The following RBBP4 variants were observed in gnomAD, a reference collection of about 807,000 sequenced individuals.
RBBP4 encodes the protein RB binding protein 4, chromatin remodeling factor, also known as histone-binding protein RBBP4.
Under a neutral mutation model 57.2 loss-of-function variants are expected in RBBP4, and 3 were observed. The ratio of observed to expected loss-of-function variants is 0.05; its 90% CI spans 0.02 to 0.14. RBBP4 has a LOEUF of 0.14. Ranked by LOEUF, RBBP4 falls within the 10% of genes least tolerant of loss-of-function variation. The pLI, the probability that RBBP4 is intolerant of heterozygous loss-of-function variation, is 1.00. For synonymous variants in RBBP4, 151 were observed against 171.5 expected, an observed-to-expected ratio of 0.88 and a Z score of 0.93; for missense variants, 107 against 520.6, an observed-to-expected ratio of 0.21 and a Z score of 7.73.
chr1:32,651,246 C>A lies in RBBP4; in HGVS notation c.-61C>A, dbSNP rs370825090. 3 of 1,507,426 alleles carry A rather than the reference C, an allele frequency of 2.0e-6. No homozygotes were observed. In the African/African-American group the frequency reaches 4.4e-5, roughly 22 times the overall value. 93.4% of individuals were successfully genotyped at this position (1,507,426 alleles called of 1,614,324 possible). On this transcript the variant is annotated 5_prime_UTR_variant, in exon 1 of 12. Coordinates refer to ENST00000373493, the MANE Select transcript of RBBP4 (RefSeq NM_005610.3). ...GCCGCGCGCACAGAGCGAGCTCTTG[C>A]AGCCTCCCCGCCCCTCCCGCAACGC...
At chr1:32,660,613 A>G (rs1263735224) in intron 3 of RBBP4, among the ~76,000 whole-genome samples, 5 of 147,080 alleles carry the variant, frequency 3.4e-5, no homozygotes, top group Non-Finnish European at 7.5e-5. Flanking sequence ...AAGAGATGGC[A>G]TGTCACTATG....
chr1:32,657,401 A>G (rs754725164), intron 2 of RBBP4, 26 bp from the exon 3 acceptor site: 2 of 1,602,422 alleles, frequency 1.2e-6, no homozygotes, highest in Non-Finnish European at 1.7e-6. Context: ...ACTAATTTGA[A>G]CAGTGACTAT....
At chr1:32,660,324 G>A (rs1648344864) in intron 3 of RBBP4, among the ~76,000 whole-genome samples, 1 of 152,144 alleles carries the variant, frequency 6.6e-6, no homozygotes, top group African/African-American at 2.4e-5. Flanking sequence ...TTAGCTGACT[G>A]CAGCCTCCTT....
At chr1:32,667,881 T>C (rs890804455) in intron 3 of RBBP4, among the ~76,000 whole-genome samples, 4 of 152,206 alleles carry the variant, frequency 2.6e-5, no homozygotes, top group Non-Finnish European at 5.9e-5. Context: ...GTAAATGTTA[T>C]ATAAATAGAC....
chr1:32,665,677 TTAAA>T (rs1648613916), intron 3 of RBBP4, among the ~76,000 whole-genome samples: 1 of 52,602 alleles, frequency 1.9e-5, no homozygotes, highest in South Asian at 1.1e-3. Flanking sequence ...GACCCTGTCT[TTAAA>T]AAAAAAAAAA....
chr1:32,663,570 A>G (rs1648514085), intron 3 of RBBP4, among the ~76,000 whole-genome samples: 1 of 110,966 alleles, frequency 9.0e-6, no homozygotes, highest in Admixed American at 1.1e-4. Context: ...CACCACAGTC[A>G]GCCCCTGAAA....
At chr1:32,665,104 A>G (rs1255030264) in intron 3 of RBBP4, among the ~76,000 whole-genome samples, 1 of 152,198 alleles carries the variant, frequency 6.6e-6, no homozygotes, top group African/African-American at 2.4e-5. Context: ...GTGACGCACA[A>G]TAAAACGAGC....
intron 1 of RBBP4, chr1:32,651,621 C>A: frequency 1.2e-6 from 1 of 841,166 alleles, no homozygotes; most frequent in Non-Finnish European, 1.7e-6. Flanking sequence ...TTCCTACCCA[C>A]AAGGCTCGGA....
At chr1:32,659,160 A>G (rs1353945350) in intron 3 of RBBP4, among the ~76,000 whole-genome samples, 4 of 148,406 alleles carry the variant, frequency 2.7e-5, no homozygotes, top group Non-Finnish European at 5.9e-5. Flanking sequence ...AATATATGTA[A>G]TTTTACACAC....
In RBBP4 at chr1:32,680,591, C is replaced by G; in HGVS notation, c.*886C>G. The G allele has an allele frequency of 3.4e-6, 5 of 1,471,478 alleles. No individual in the cohort carries two copies. The highest frequency in any genetic ancestry group is 4.6e-6 in the Non-Finnish European group (5 of 1,079,072). The allele number at this position is 1,471,478 out of a possible 1,614,324, so 91.2% of individuals were successfully genotyped here. A position where few individuals can be genotyped will look rare whatever the true frequency, so the allele number is the denominator to read the frequency against. ...TGGGTGACCTGTTTCACCAGCAGGC[C>G]TGTTACTCTCCATGACTAACTGTGT... On this transcript the variant is annotated 3_prime_UTR_variant, in exon 12 of 12. Transcript: ENST00000373493.
intron 3 of RBBP4, among the ~76,000 whole-genome samples, chr1:32,661,485 G>C (rs1022505535): frequency 4.0e-5 from 6 of 151,504 alleles, no homozygotes; most frequent in African/African-American, 1.5e-4. Flanking sequence ...GTAGAGATGG[G>C]GTTTCTCCAT....
intron 11 of RBBP4, among the ~76,000 whole-genome samples, chr1:32,676,156 C>T (rs140159724): frequency 6.6e-6 from 1 of 152,258 alleles, no homozygotes; most frequent in African/African-American, 2.4e-5. Flanking sequence ...GCCTAGATGA[C>T]ATAGCGAGAC....
At chr1:32,656,463 C>T (rs1326338272) in intron 2 of RBBP4, among the ~76,000 whole-genome samples, 2 of 152,148 alleles carry the variant, frequency 1.3e-5, no homozygotes, top group East Asian at 1.9e-4. Context: ...AGCAGTTCTC[C>T]TGTCGCAGCC....
chr1:32,668,188 CTT>C (rs369382595), intron 3 of RBBP4, 35 bp from the exon 4 acceptor site: 2 of 1,581,256 alleles, frequency 1.3e-6, no homozygotes, highest in Non-Finnish European at 1.7e-6. Context: ...TAGAGTAGCT[CTT>C]GTTTTGTCCT....
intron 3 of RBBP4, among the ~76,000 whole-genome samples, chr1:32,663,797 C>T (rs958435097): frequency 4.0e-5 from 6 of 151,884 alleles, no homozygotes; most frequent in Non-Finnish European, 4.4e-5. Context: ...AGGATGGTCT[C>T]AATCTCCTGA....
rs1648932774 is a variant in RBBP4 at position 32,672,782 on chromosome 1, C to T, written c.1102-9C>T. 2 of 1,609,830 alleles carry T rather than the reference C, an allele frequency of 1.2e-6. No individual in the cohort carries two copies. The highest frequency in any genetic ancestry group is 1.7e-5 in the Admixed American group (1 of 59,972). The stretch of plus-strand genomic sequence containing the variant: ...GCATTTCACCTCTTTGTTTTCTTCC[C>T]TCTTTCAGTTTATTCATGGTGGTCA... On this transcript the variant is annotated splice_polypyrimidine_tract_variant and intron_variant, in intron 10 of 11. Coordinates refer to ENST00000373493, the MANE Select transcript of RBBP4 (RefSeq NM_005610.3).
rs1213784828 is a variant in RBBP4, at chr1:32,684,449, C to G, written c.*4744C>G. The G allele has an allele frequency of 1.2e-6, 2 of 1,603,970 alleles. No homozygotes were observed. The highest frequency in any genetic ancestry group is 2.7e-5 in the African/African-American group (2 of 74,452). Reference sequence around the variant, plus strand: ...TAAAAACTCACATTGTCCACTCTTACTTATAAAACACTTTTTTGTTCATTG... The same window carrying G: ...TAAAAACTCACATTGTCCACTCTTAGTTATAAAACACTTTTTTGTTCATTG... On this transcript the variant is annotated 3_prime_UTR_variant, in exon 12 of 12. Transcript: ENST00000373493.
intron 11 of RBBP4, among the ~76,000 whole-genome samples, chr1:32,673,870 G>A (rs1454926989): frequency 2.0e-5 from 3 of 152,054 alleles, no homozygotes; most frequent in Non-Finnish European, 4.4e-5. Context: ...AGGCCGAGGC[G>A]GGTGGATCAC....
chr1:32,666,234 C>T (rs866728075), intron 3 of RBBP4, among the ~76,000 whole-genome samples: 1 of 152,132 alleles, frequency 6.6e-6, no homozygotes, highest in East Asian at 1.9e-4. Context: ...CAAGCTAGAG[C>T]TTCATACAAG....
Sources: gnomAD v4.1 joint callset for allele counts (sites outside exome capture counted in the v4.1 genomes callset) on GRCh38, gnomAD v4.1.1 for gene constraint, MANE v1.5 for transcripts, NCBI Gene and HGNC (gene_info 2026-07-23, HGNC 2026-07-21) for gene names.